The following RBM4 variants were observed in gnomAD, a reference collection of about 807,000 sequenced individuals.
RBM4 encodes the protein RNA-binding protein 4.
Under a neutral mutation model 29.5 loss-of-function variants are expected in RBM4, and 7 were observed. The observed-to-expected ratio is 0.24, with a 90% CI of 0.14 to 0.45. The LOEUF (loss-of-function observed/expected upper bound fraction) is 0.45. RBM4 is among the 20% of genes least tolerant of loss of function. The pLI, the probability that RBM4 is intolerant of heterozygous loss-of-function variation, is 1.00. For missense variants in RBM4, 387 were observed against 502.3 expected, an observed-to-expected ratio of 0.77 and a Z score of 2.19; for synonymous variants, 220 against 205.4, an observed-to-expected ratio of 1.07 and a Z score of -0.61.
exon 3 of RBM4, chr11:66,666,882 G>A (rs763810275): frequency 6.6e-6 from 1 of 151,864 alleles, no homozygotes; most frequent in Admixed American, 6.6e-5. Context: ...TCACATAAAA[G>A]AGCAAATTGC....
At chr11:66,666,148 T>C (rs578152497) in exon 3 of RBM4, 1 of 740,376 alleles carries the variant, frequency 1.4e-6, no homozygotes, top group South Asian at 2.5e-5. Context: ...TTCCAGTAGT[T>C]CCCCTAATTG....
At chr11:66,658,059 CTT>C (rs1285057946) in intron 2 of RBM4, among the ~76,000 whole-genome samples, 197 of 147,732 alleles carry the variant, frequency 1.3e-3, no homozygotes, top group African/African-American at 4.5e-3. Flanking sequence ...GAGTTTTGCT[CTT>C]GTTGCCCAGG....
Position 66,665,697 on chromosome 11 carries a change from C to A in RBM4, c.413-159C>A, listed in dbSNP as rs1306019735. The A allele has an allele frequency of 3.4e-6, 5 of 1,484,482 alleles. No homozygotes were observed. The Admixed American group carries it at 8.5e-5, about 25-fold the overall frequency. 92.0% of individuals were successfully genotyped at this position (1,484,482 alleles called of 1,614,324 possible). On this transcript the variant is annotated intron_variant, in intron 2 of 2. Coordinates refer to the RBM4 transcript ENST00000396053. ...GGGGAAAAAAAAGAACAAAACAAAA[C>A]CAAGTCAGACTGGATCTAACTCATA...
At chr11:66,664,299 G>A (rs953984903) in intron 2 of RBM4, among the ~76,000 whole-genome samples, 8 of 147,792 alleles carry the variant, frequency 5.4e-5, no homozygotes, top group South Asian at 2.2e-4. Flanking sequence ...ACAGGCACTC[G>A]CCACCACGCC....
intron 2 of RBM4, among the ~76,000 whole-genome samples, chr11:66,657,813 T>C (rs1350275161): frequency 6.9e-6 from 1 of 144,200 alleles, no homozygotes; most frequent in Non-Finnish European, 1.5e-5. Flanking sequence ...CTCCACCTCC[T>C]CCCGGGCTCA....
downstream of RBM4, among the ~76,000 whole-genome samples, chr11:66,648,787 T>TG (rs552661557): frequency 8.9e-4 from 135 of 151,916 alleles, 4 homozygotes; most frequent in South Asian, 0.027. Context: ...CACTCAAGCC[T>TG]GGGGGACAAG....
At chr11:66,665,495 G>A in intron 2 of RBM4, 2 of 1,037,012 alleles carry the variant, frequency 1.9e-6, no homozygotes. Context: ...ATGAAGCAAT[G>A]GAAACATCCC....
exon 3 of RBM4, chr11:66,667,091 A>G (rs1207390598): frequency 6.6e-6 from 1 of 152,042 alleles, no homozygotes; most frequent in Non-Finnish European, 1.5e-5. Context: ...CATATATACC[A>G]AAGGGATAAG....
At chr11:66,657,856 T>A (rs1472146462) in intron 2 of RBM4, among the ~76,000 whole-genome samples, 2 of 151,550 alleles carry the variant, frequency 1.3e-5, no homozygotes, top group East Asian at 4.0e-4. Context: ...CCCGAGTAGC[T>A]GGGACCACTG....
rs776581971 is a variant in RBM4, at chr11:66,643,564, C to G, written c.527C>G (p.Pro176Arg). Residue 176 changes from proline (P) to arginine (R), a missense_variant, in exon 3 of 4, where the codon CCG becomes CGG. This residue lies in a region of RBM4 where 281 missense variants were observed against 288.7 expected (regional missense o/e 0.97). Coordinates refer to ENST00000310092, the MANE Select transcript of RBM4 (RefSeq NM_002896.4). This position sits in a 1 kb window ranked among gnomAD's most constrained non-coding sequence, Gnocchi z 6.1. Reference protein sequence around the residue: ...GKEGHWSKECPIDRSGRVADL... With the variant: ...GKEGHWSKECRIDRSGRVADL... ...GAGGGGCACTGGTCCAAAGAGTGTC[C>G]GATAGATCGTTCAGGCCGCGTGGCA... 1 of 1,613,958 alleles carries G rather than the reference C, an allele frequency of 6.2e-7. No individual in the cohort carries two copies. Among genetic ancestry groups the G allele is most frequent in the East Asian group, 2.2e-5 (1 of 44,866 alleles).
intron 2 of RBM4, among the ~76,000 whole-genome samples, chr11:66,653,907 A>G (rs1410664141): frequency 6.6e-6 from 1 of 151,976 alleles, no homozygotes; most frequent in Admixed American, 6.6e-5. Context: ...AAGGCAAAAA[A>G]TAAGCAGGGC....
At chr11:66,640,759 G>C (rs1224886370) in intron 2 of RBM4, 2 of 152,548 alleles carry the variant, frequency 1.3e-5, no homozygotes, top group African/African-American at 4.8e-5. Flanking sequence ...GGTTTGGGGG[G>C]CTGGACTTTA....
At chr11:66,654,921 T>G (rs1938914141) in intron 2 of RBM4, among the ~76,000 whole-genome samples, 1 of 150,466 alleles carries the variant, frequency 6.6e-6, no homozygotes, top group Non-Finnish European at 1.5e-5. Flanking sequence ...GCCTCCCAGG[T>G]TCAAGTGATT....
chr11:66,640,038 C>G lies in RBM4; in HGVS notation c.327C>G (p.Ile109Met). ...ATGGTCCGGTCATCGAATGTGACAT[C>G]GTGAAAGATTATGCCTTCGTACACA... The part of the protein sequence containing the change: ...EEYGPVIECD[I>M]VKDYAFVHME... Residue 109 changes from isoleucine to methionine, a missense_variant, in exon 2 of 4, where the codon ATC becomes ATG. Transcript: ENST00000310092. 6.2e-7 allele frequency: 1 copy of G among 1,614,126 alleles called. No individual in the cohort carries two copies. The highest frequency in any genetic ancestry group is 8.5e-7 in the Non-Finnish European group (1 of 1,180,024).
downstream of RBM4, among the ~76,000 whole-genome samples, chr11:66,648,982 C>T (rs11821548): frequency 6.2e-3 from 929 of 150,748 alleles, 11 homozygotes; most frequent in African/African-American, 0.021. Flanking sequence ...TTTGCATTTT[C>T]TCTTTTTTAA....
intron 2 of RBM4, among the ~76,000 whole-genome samples, chr11:66,651,499 C>T (rs576615853): frequency 1.1e-4 from 16 of 152,170 alleles, no homozygotes; most frequent in Admixed American, 9.2e-4. Flanking sequence ...AGGCGCCCGC[C>T]ACCACACCTG....
chr11:66,651,590 C>T (rs1046378147), intron 2 of RBM4, among the ~76,000 whole-genome samples: 10 of 152,096 alleles, frequency 6.6e-5, no homozygotes, highest in Non-Finnish European at 1.2e-4. Context: ...CCTCTTGATC[C>T]GCCTGCCTCG....
exon 3 of RBM4, chr11:66,666,798 CAA>C (rs1364021462): frequency 5.3e-5 from 8 of 152,274 alleles, no homozygotes; most frequent in African/African-American, 1.4e-4. Context: ...ATGGTGGTCT[CAA>C]GAGATCTCAA....
exon 3 of RBM4, chr11:66,667,654 T>C (rs759651216): frequency 6.6e-5 from 10 of 152,000 alleles, no homozygotes; most frequent in Non-Finnish European, 1.0e-4. Flanking sequence ...AGGTATGATA[T>C]TAGAAGAGTT....
Sources: gnomAD v4.1 joint callset for allele counts (sites outside exome capture counted in the v4.1 genomes callset) on GRCh38, gnomAD v4.1.1 for gene constraint, gnomAD v4.1.1 regional missense constraint, Gnocchi (gnomAD v3.1) non-coding constraint, MANE v1.5 for transcripts, NCBI Gene and HGNC (gene_info 2026-07-23, HGNC 2026-07-21) for gene names.